Variants in TEX2 observed in about 807,000 individuals in gnomAD.
TEX2 encodes the protein testis expressed 2, also known as testis-expressed protein 2.
In TEX2, 53 loss-of-function variants were observed where a neutral mutation model predicts 106.9. That is an observed-to-expected ratio of 0.50 (90% CI 0.40 to 0.62). The LOEUF (loss-of-function observed/expected upper bound fraction) is 0.62, where lower values mean the gene tolerates loss of function less well. TEX2 is among the 20% of genes least tolerant of loss of function. The pLI is 0.00. For missense variants in TEX2, 1,207 were observed against 1,379.0 expected (o/e 0.88, Z 1.98); for synonymous variants, 523 against 534.8 (o/e 0.98, Z 0.30).
At chr17:64,186,214 G>T (rs1375451673) in intron 5 of TEX2, among the ~76,000 whole-genome samples, 1 of 152,182 alleles carries the variant, frequency 6.6e-6, no homozygotes, top group African/African-American at 2.4e-5. Context: ...TGAGTCTGAT[G>T]AGAGTCCAGA....
Position 64,147,791 on chromosome 17 carries a change from A to AC in TEX2, c.*1177dup, listed in dbSNP as rs1456753907. 1 of 152,572 alleles carries AC rather than the reference A, an allele frequency of 6.6e-6. No homozygotes were observed. Among genetic ancestry groups the AC allele is most frequent in the Non-Finnish European group, 1.5e-5 (1 of 68,042 alleles). The allele number at this position is 152,572 out of a possible 1,614,324, so 9.5% of individuals were successfully genotyped here. A position where few individuals can be genotyped will look rare whatever the true frequency, so the allele number is the denominator to read the frequency against. ...GTTCAGGCAAGGTGCTGTTTAAAAAACCACTATTAGCTTTGTCCACACATG... is the reference window on the plus strand; with the variant it reads ...GTTCAGGCAAGGTGCTGTTTAAAAAACCCACTATTAGCTTTGTCCACACATG... On this transcript the variant is annotated 3_prime_UTR_variant, in exon 12 of 12. Transcript: ENST00000584379.
chr17:64,250,349 T>A (rs1480723117), intron 1 of TEX2, among the ~76,000 whole-genome samples: 1 of 152,228 alleles, frequency 6.6e-6, no homozygotes, highest in Non-Finnish European at 1.5e-5. Flanking sequence ...AGTGAGCAGG[T>A]GCCAGCCTGC....
chr17:64,165,728 G>C (rs983529730), intron 7 of TEX2, among the ~76,000 whole-genome samples: 1 of 151,932 alleles, frequency 6.6e-6, no homozygotes, highest in Non-Finnish European at 1.5e-5. Flanking sequence ...AGTGGATCCT[G>C]GTAGGATCCA....
intron 6 of TEX2, among the ~76,000 whole-genome samples, chr17:64,172,093 G>A (rs1299921194): frequency 1.3e-5 from 2 of 152,114 alleles, no homozygotes; most frequent in East Asian, 1.9e-4. Context: ...AGTGGCTCAC[G>A]CCTGTAATCC....
chr17:64,225,469 C>A (rs1217745333), intron 1 of TEX2, among the ~76,000 whole-genome samples: 2 of 152,064 alleles, frequency 1.3e-5, no homozygotes, highest in African/African-American at 4.8e-5. Context: ...TCAATTGTTC[C>A]AAACCTCTAA....
At chr17:64,170,620 A>ATGTTT (rs1438812052) in intron 7 of TEX2, among the ~76,000 whole-genome samples, 1 of 56,548 alleles carries the variant, frequency 1.8e-5, no homozygotes, top group Admixed American at 2.3e-4. Flanking sequence ...TCTATTCCAA[A>ATGTTT]TCTTTTTTTT....
intron 1 of TEX2, chr17:64,239,180 C>T (rs374874410): frequency 3.3e-5 from 5 of 152,180 alleles, no homozygotes; most frequent in South Asian, 2.1e-4. Context: ...AGGAAAGGGA[C>T]GAAGCTGCCA....
chr17:64,155,802 C>G (rs906956157), intron 8 of TEX2: 1 of 152,182 alleles, frequency 6.6e-6, no homozygotes, highest in Non-Finnish European at 1.5e-5. Flanking sequence ...CAGTTCCCGT[C>G]GGAGGGGACC....
rs562138027 is a variant in TEX2 at position 64,206,924 on chromosome 17, C to A, written c.1644+5650G>T. Among the ~76,000 whole-genome samples the A allele has an allele frequency of 5.3e-5, 8 of 152,194 alleles. No homozygotes were observed. The East Asian group carries it at 1.4e-3, about 26-fold the overall frequency. On this transcript the variant is annotated intron_variant, in intron 2 of 11. Transcript: ENST00000584379. ...GATCAAATGGGTTCAGAGCGGGAGACGGCGGAGTACCATAGGGCCTAGACA... is the reference window on the plus strand; with the variant it reads ...GATCAAATGGGTTCAGAGCGGGAGAAGGCGGAGTACCATAGGGCCTAGACA...
Position 64,214,145 on chromosome 17 carries a change from C to A in TEX2, c.73G>T (p.Val25Leu), listed in dbSNP as rs782205315. The change falls in exon 2 of 12, where the codon GTG (valine) becomes TTG (leucine). Residue 25 changes from valine to leucine, a missense_variant. Physicochemically the swap from Val to Leu is conservative, Grantham distance 32. Transcript: ENST00000584379. ...MPKPSAPKVHVQRSVSRDTIA... is the reference protein window; with the variant it reads ...MPKPSAPKVHLQRSVSRDTIA... ...GTATCTCGGGACACGGACCTCTGCA[C>A]GTGCACTTTAGGGGCTGATGGTTTT... The A allele has an allele frequency of 3.7e-6, 6 of 1,614,178 alleles. No individual in the cohort carries two copies. Among genetic ancestry groups the A allele is most frequent in the Non-Finnish European group, 5.1e-6 (6 of 1,180,038 alleles).
chr17:64,148,769 G>A lies in TEX2; in HGVS notation c.*200C>T, dbSNP rs954688430. The A allele has an allele frequency of 5.0e-6, 3 of 596,570 alleles. No individual in the cohort carries two copies. Among genetic ancestry groups the A allele is most frequent in the Non-Finnish European group, 8.4e-6 (3 of 357,670 alleles). The allele number at this position is 596,570 out of a possible 1,614,324, so 37.0% of individuals were successfully genotyped here. A position where few individuals can be genotyped will look rare whatever the true frequency, so the allele number is the denominator to read the frequency against. ...TCCTTTGCCAAATCAAAGCTTTGCA[G>A]CAGGCAATCCAGACAGTTGTCACTA... On this transcript the variant is annotated 3_prime_UTR_variant, in exon 12 of 12. Coordinates refer to ENST00000584379, the MANE Select transcript of TEX2 (RefSeq NM_001288732.2).
In TEX2 at chr17:64,148,465, A is replaced by C. The variant is rs1314798397; in HGVS notation, c.*504T>G. The C allele has an allele frequency of 6.5e-6, 1 of 153,828 alleles. No individual in the cohort carries two copies. Among genetic ancestry groups the C allele is most frequent in the Non-Finnish European group, 1.5e-5 (1 of 68,954 alleles). The allele number at this position is 153,828 out of a possible 1,614,324, so 9.5% of individuals were successfully genotyped here. A position where few individuals can be genotyped will look rare whatever the true frequency, so the allele number is the denominator to read the frequency against. ...AGTTGCTCTGCCCATCTCTTCTGTCACCGAAATGAAAAGGCTCACAGAATT... is the reference window on the plus strand; with the variant it reads ...AGTTGCTCTGCCCATCTCTTCTGTCCCCGAAATGAAAAGGCTCACAGAATT... On this transcript the variant is annotated 3_prime_UTR_variant, in exon 12 of 12. Transcript: ENST00000584379.
intron 1 of TEX2, among the ~76,000 whole-genome samples, chr17:64,253,152 T>C (rs1222166567): frequency 6.6e-6 from 1 of 152,072 alleles, no homozygotes; most frequent in African/African-American, 2.4e-5. Context: ...GAATTATTTA[T>C]TATTTATTTG....
chr17:64,171,110 A>G lies in TEX2; in HGVS notation c.2661T>C (p.Val887=), dbSNP rs761832039. ...TCAGTTAGGAGTTACCTTGGTGATC[A>G]ACGTAAGGCTTGAAGGCCTGGAGGA... ...PKILQAFKPY[V]DHQGLWIDLE... The change falls in exon 7 of 12, where the codon GTT becomes GTC. Residue 887 remains valine (V), a synonymous_variant. Transcript: ENST00000584379. 6.2e-7 allele frequency: 1 copy of G among 1,613,992 alleles called. No individual in the cohort carries two copies. The highest frequency in any genetic ancestry group is 8.5e-7 in the Non-Finnish European group (1 of 1,179,842).
At chr17:64,194,610 T>C (rs995133519) in intron 3 of TEX2, among the ~76,000 whole-genome samples, 1 of 152,200 alleles carries the variant, frequency 6.6e-6, no homozygotes, top group South Asian at 2.1e-4. Context: ...GCACAACACT[T>C]GTTCCTCAAG....
At chr17:64,169,137 C>G (rs2031281661) in intron 7 of TEX2, among the ~76,000 whole-genome samples, 1 of 152,072 alleles carries the variant, frequency 6.6e-6, no homozygotes, top group African/African-American at 2.4e-5. Flanking sequence ...CTCCTGGGTT[C>G]AAGCTATTCT....
intron 8 of TEX2, chr17:64,155,842 A>G (rs1011489213): frequency 1.3e-5 from 2 of 152,292 alleles, no homozygotes; most frequent in African/African-American, 2.4e-5. Flanking sequence ...CCTCGGGCCT[A>G]TAGAAAGCAG....
At chr17:64,246,277 G>A (rs35119739) in intron 1 of TEX2, among the ~76,000 whole-genome samples, 11,264 of 152,148 alleles carry the variant, frequency 0.074, 512 homozygotes, top group Non-Finnish European at 0.11. Context: ...ACAGAGTCTC[G>A]CTCTGTTGCC....
At chr17:64,200,554 C>G (rs1555629970) in intron 2 of TEX2, among the ~76,000 whole-genome samples, 2 of 152,192 alleles carry the variant, frequency 1.3e-5, no homozygotes, top group African/African-American at 4.8e-5. Context: ...ATGCAATTAC[C>G]TTCTTTGCTG....
Sources: allele counts gnomAD v4.1 joint callset (sites outside exome capture counted in the v4.1 genomes callset), GRCh38; gene constraint gnomAD v4.1.1; transcripts MANE v1.5; gene names NCBI Gene and HGNC (gene_info 2026-07-23, HGNC 2026-07-21).